The following WNT3 variants were observed in gnomAD, a reference collection of about 807,000 sequenced individuals.
The protein encoded by WNT3 is proto-oncogene Wnt-3.
WNT3 carries 7 observed loss-of-function variants against 34.2 expected under a neutral mutation model. The ratio of observed to expected loss-of-function variants is 0.20; its 90% CI spans 0.12 to 0.38. The LOEUF (loss-of-function observed/expected upper bound fraction) is 0.38, where lower values mean the gene tolerates loss of function less well. Ranked by LOEUF, WNT3 falls within the 10% of genes least tolerant of loss-of-function variation. The pLI is 1.00. For synonymous variants in WNT3, 212 were observed against 211.5 expected (o/e 1.00, Z -0.02); for missense variants, 267 against 499.8 (o/e 0.53, Z 4.44).
rs2059332130 is a variant in WNT3, at chr17:46,768,261, C to G, written c.*8+51G>C. The G allele has an allele frequency of 3.1e-6, 5 of 1,609,924 alleles. No individual in the cohort carries two copies. The highest frequency in any genetic ancestry group is 3.4e-6 in the Non-Finnish European group (4 of 1,179,690). The stretch of plus-strand genomic sequence containing the variant: ...AGAAGACGAGATGGGCAAACAACCC[C>G]ATTCCCTGCGCCCAGGCTCCCAGCC... On this transcript the variant is annotated intron_variant, in intron 4 of 4. Coordinates refer to ENST00000225512, the MANE Select transcript of WNT3 (RefSeq NM_030753.5). This position sits in a 1 kb window ranked among gnomAD's most constrained non-coding sequence, Gnocchi z 5.0.
At chr17:46,778,732 G>A (rs183870560) in intron 1 of WNT3, among the ~76,000 whole-genome samples, 1 of 152,214 alleles carries the variant, frequency 6.6e-6, no homozygotes, top group East Asian at 1.9e-4. Flanking sequence ...GACTCCAGCG[G>A]GGCTGTTTCA....
chr17:46,797,157 G>A (rs2084064519), intron 1 of WNT3, among the ~76,000 whole-genome samples: 1 of 152,172 alleles, frequency 6.6e-6, no homozygotes, highest in Non-Finnish European at 1.5e-5. Context: ...AACACCAAGA[G>A]GCTCCAAGTT....
chr17:46,806,879 C>T (rs898308213), intron 1 of WNT3, among the ~76,000 whole-genome samples: 7 of 152,334 alleles, frequency 4.6e-5, no homozygotes, highest in African/African-American at 1.7e-4. Flanking sequence ...TTGGCCCTCA[C>T]GATGGCTGCT....
At chr17:46,818,019 G>A (rs1360294758) in intron 1 of WNT3, among the ~76,000 whole-genome samples, 3 of 152,070 alleles carry the variant, frequency 2.0e-5, no homozygotes, top group Non-Finnish European at 4.4e-5. Context: ...GAAGCCTTTG[G>A]GGTCTGAAAT....
rs973856534 is a variant in WNT3 at position 46,764,570 on chromosome 17, A to C, written c.*60T>G. On this transcript the variant is annotated 3_prime_UTR_variant, in exon 5 of 5. Coordinates refer to ENST00000225512, the MANE Select transcript of WNT3 (RefSeq NM_030753.5). Reference sequence around the variant, plus strand: ...TGCCCGGCTCTAGGTCCTGCTTCCCATGAGACTTCGCTGAATCCGCCCAGC... The same window carrying C: ...TGCCCGGCTCTAGGTCCTGCTTCCCCTGAGACTTCGCTGAATCCGCCCAGC... 6.6e-6 allele frequency: 1 copy of C among 152,246 alleles called. No homozygotes were observed. The highest frequency in any genetic ancestry group is 1.5e-5 in the Non-Finnish European group (1 of 68,076). The allele number at this position is 152,246 out of a possible 1,614,324, so 9.4% of individuals were successfully genotyped here. A position where few individuals can be genotyped will look rare whatever the true frequency, so the allele number is the denominator to read the frequency against.
chr17:46,810,837 G>A (rs1412896703), intron 1 of WNT3, among the ~76,000 whole-genome samples: 1 of 152,090 alleles, frequency 6.6e-6, no homozygotes, highest in East Asian at 1.9e-4. Context: ...AACAGTTCAG[G>A]AAGTTGCCTA....
At chr17:46,785,644 G>A (rs2059497622) in intron 1 of WNT3, among the ~76,000 whole-genome samples, 1 of 152,224 alleles carries the variant, frequency 6.6e-6, no homozygotes, top group Non-Finnish European at 1.5e-5. Flanking sequence ...CGAGGAGGTG[G>A]CACAGCTCAG....
Position 46,763,793 on chromosome 17 carries a change from G to T in WNT3, c.*837C>A, listed in dbSNP as rs2059288666. The T allele has an allele frequency of 1.5e-5, 2 of 133,066 alleles. No homozygotes were observed. 8.2% of individuals were successfully genotyped at this position (133,066 alleles called of 1,614,324 possible). ...AAGCCATTTGAGCTAGAGAAGACTT[G>T]CCCCCTTACATAGCCTATTTACAAG... On this transcript the variant is annotated 3_prime_UTR_variant, in exon 5 of 5. Coordinates refer to ENST00000225512, the MANE Select transcript of WNT3 (RefSeq NM_030753.5).
At chr17:46,785,837 A>G (rs1249868720) in intron 1 of WNT3, among the ~76,000 whole-genome samples, 1 of 149,574 alleles carries the variant, frequency 6.7e-6, no homozygotes, top group Non-Finnish European at 1.5e-5. Flanking sequence ...TTCTTTGGGG[A>G]GAAAAGGGAA....
intron 1 of WNT3, among the ~76,000 whole-genome samples, chr17:46,818,222 C>T (rs2084378264): frequency 6.6e-6 from 1 of 151,936 alleles, no homozygotes; most frequent in East Asian, 1.9e-4. Context: ...TCGGGGGCCT[C>T]TAGATTGGGA....
intron 1 of WNT3, among the ~76,000 whole-genome samples, chr17:46,790,842 T>C (rs1407653217): frequency 3.3e-5 from 5 of 152,228 alleles, no homozygotes; most frequent in African/African-American, 7.2e-5. Flanking sequence ...TCGCGTTTTA[T>C]GTGCGTTCCA....
intron 1 of WNT3, among the ~76,000 whole-genome samples, chr17:46,806,113 A>G (rs907240858): frequency 1.3e-5 from 2 of 151,804 alleles, no homozygotes; most frequent in African/African-American, 4.8e-5. Context: ...ACTAGCTGCC[A>G]CTGGAGCCGC....
Position 46,774,102 on chromosome 17 carries a change from A to AG in WNT3, c.81-194dup, listed in dbSNP as rs369389427. Reference sequence around the variant, plus strand: ...CGCAGAGCTCTGACCCACGCAAGTCAGCCCTCTGGCTGCATCCAGCTTGCA... The same window carrying AG: ...CGCAGAGCTCTGACCCACGCAAGTCAGGCCCTCTGGCTGCATCCAGCTTGCA... On this transcript the variant is annotated intron_variant, in intron 1 of 4. Transcript: ENST00000225512. 5.5e-3 allele frequency among the ~76,000 whole-genome samples: 834 copies of AG among 152,378 alleles called. 10 individuals carry two copies. Among genetic ancestry groups the AG allele is most frequent in the African/African-American group, 0.019 (785 of 41,606 alleles).
chr17:46,787,426 G>A (rs2059517733), intron 1 of WNT3, among the ~76,000 whole-genome samples: 1 of 152,152 alleles, frequency 6.6e-6, no homozygotes, highest in African/African-American at 2.4e-5. Context: ...CGGGACCTTT[G>A]ACATCACCTA....
intron 1 of WNT3, among the ~76,000 whole-genome samples, chr17:46,817,409 G>T (rs1171940353): frequency 6.6e-6 from 1 of 152,176 alleles, no homozygotes; most frequent in Admixed American, 6.5e-5. Context: ...TGTCCAGGAG[G>T]GGAAGATTCT....
At chr17:46,818,138 G>C (rs1230919243) in intron 1 of WNT3, among the ~76,000 whole-genome samples, 1 of 152,072 alleles carries the variant, frequency 6.6e-6, no homozygotes, top group African/African-American at 2.4e-5. Context: ...CCCCAAAATG[G>C]AGAAGAGGAG....
intron 1 of WNT3, among the ~76,000 whole-genome samples, chr17:46,776,257 C>T (rs1416787017): frequency 6.6e-6 from 1 of 152,234 alleles, no homozygotes; most frequent in Non-Finnish European, 1.5e-5. Context: ...CCTGGGCCTC[C>T]ATACTGAGCA....
chr17:46,794,861 G>A (rs954540978), intron 1 of WNT3, among the ~76,000 whole-genome samples: 1 of 149,232 alleles, frequency 6.7e-6, no homozygotes, highest in African/African-American at 2.5e-5. Context: ...AGTGATTCTC[G>A]TGCCTCAGCC....
intron 1 of WNT3, among the ~76,000 whole-genome samples, chr17:46,781,551 C>A (rs2059461301): frequency 6.6e-6 from 1 of 152,134 alleles, no homozygotes. Context: ...GGTAAATTCA[C>A]AGGGACAGAA....
Sources: allele counts gnomAD v4.1 joint callset (sites outside exome capture counted in the v4.1 genomes callset), GRCh38; gene constraint gnomAD v4.1.1; non-coding constraint Gnocchi (gnomAD v3.1); transcripts MANE v1.5; gene names NCBI Gene and HGNC (gene_info 2026-07-23, HGNC 2026-07-21).